The following GATAD2A variants were observed in gnomAD, a reference collection of about 807,000 sequenced individuals.
GATAD2A encodes the protein GATA zinc finger domain containing 2A.
GATAD2A carries 12 observed loss-of-function variants against 68.5 expected under a neutral mutation model. The observed-to-expected ratio is 0.18, with a 90% CI of 0.11 to 0.28. The LOEUF (loss-of-function observed/expected upper bound fraction) is 0.28, where lower values mean the gene tolerates loss of function less well. Ranked by LOEUF, GATAD2A falls within the 10% of genes least tolerant of loss-of-function variation. GATAD2A has a pLI of 1.00. For missense variants in GATAD2A, 755 were observed against 868.5 expected, an observed-to-expected ratio of 0.87 and a Z score of 1.64; for synonymous variants, 410 against 375.3, an observed-to-expected ratio of 1.09 and a Z score of -1.07.
intron 3 of GATAD2A, 67 bp from the exon 4 acceptor site, chr19:19,492,514 T>C: frequency 6.2e-7 from 1 of 1,611,364 alleles, no homozygotes; most frequent in Non-Finnish European, 8.5e-7. Context: ...GTGGAGCTAG[T>C]GATGGCAGGG....
intron 1 of GATAD2A, among the ~76,000 whole-genome samples, chr19:19,446,012 C>T (rs1370975784): frequency 2.0e-5 from 3 of 152,178 alleles, no homozygotes; most frequent in Admixed American, 1.3e-4. Context: ...GGGAACTCTG[C>T]GTTTAACTTT....
intron 1 of GATAD2A, among the ~76,000 whole-genome samples, chr19:19,463,061 T>C (rs745913431): frequency 2.6e-5 from 4 of 152,158 alleles, no homozygotes; most frequent in Non-Finnish European, 5.9e-5. Flanking sequence ...ACAGTAGTTA[T>C]AAGGCCAGAC....
intron 1 of GATAD2A, chr19:19,440,192 T>A (rs1467131232): frequency 7.4e-6 from 3 of 404,282 alleles, no homozygotes; most frequent in South Asian, 5.2e-5. Context: ...GAAGAAGAGA[T>A]GGAGTGTGCT....
At chr19:19,466,528 C>T (rs981013608) in intron 2 of GATAD2A, among the ~76,000 whole-genome samples, 5 of 152,228 alleles carry the variant, frequency 3.3e-5, no homozygotes, top group East Asian at 1.9e-4. Flanking sequence ...CTCACCTTCC[C>T]GTGTCAGCTA....
At chr19:19,411,827 A>G (rs1420381924) in intron 1 of GATAD2A, among the ~76,000 whole-genome samples, 1 of 152,204 alleles carries the variant, frequency 6.6e-6, no homozygotes, top group Non-Finnish European at 1.5e-5. Flanking sequence ...TGTCAACTAC[A>G]CAGTGATTCT....
At chr19:19,434,976 C>T in intron 1 of GATAD2A, 1 of 384,802 alleles carries the variant, frequency 2.6e-6, no homozygotes. Flanking sequence ...GGAATGGTGG[C>T]TGGTTTCCCT....
intron 1 of GATAD2A, among the ~76,000 whole-genome samples, chr19:19,441,519 T>C (rs1049348714): frequency 6.6e-6 from 1 of 151,846 alleles, no homozygotes; most frequent in East Asian, 1.9e-4. Flanking sequence ...GGACAACAGA[T>C]GCACCACCAT....
At chr19:19,443,434 T>G (rs1335035493) in intron 1 of GATAD2A, among the ~76,000 whole-genome samples, 4 of 152,222 alleles carry the variant, frequency 2.6e-5, no homozygotes, top group Non-Finnish European at 5.9e-5. Flanking sequence ...ACCTGTGGAT[T>G]CCAGCCAGAT....
intron 1 of GATAD2A, among the ~76,000 whole-genome samples, chr19:19,450,769 T>C (rs998662175): frequency 6.6e-6 from 1 of 151,530 alleles, no homozygotes; most frequent in African/African-American, 2.4e-5. Flanking sequence ...AAAACTCTTT[T>C]TTTTTGTTTG....
intron 1 of GATAD2A, among the ~76,000 whole-genome samples, chr19:19,444,317 G>A (rs1011919557): frequency 2.6e-5 from 4 of 152,158 alleles, no homozygotes; most frequent in Non-Finnish European, 5.9e-5. Flanking sequence ...GAACAGTAGT[G>A]CTTAGAGTTG....
In GATAD2A at chr19:19,492,354, C is replaced by T. The variant is rs778977704; in HGVS notation, c.318C>T (p.Leu106=). 1.2e-6 allele frequency: 2 copies of T among 1,611,298 alleles called. No homozygotes were observed. Among genetic ancestry groups the T allele is most frequent in the Admixed American group, 3.4e-5 (2 of 59,642 alleles). ...RRPPSPDVIV[L]SDNEQPSSPR... ...CCCCCTCACCTGACGTGATTGTGCT[C>T]TCCGACAACGAGCAGCCCTCGAGCC... Residue 106 remains leucine, a synonymous_variant, in exon 3 of 12, where the codon CTC becomes CTT. Transcript: ENST00000683918.
intron 1 of GATAD2A, among the ~76,000 whole-genome samples, chr19:19,386,805 T>C (rs1040365219): frequency 2.0e-5 from 3 of 151,462 alleles, no homozygotes; most frequent in Admixed American, 1.3e-4. Flanking sequence ...GAATCCTGCC[T>C]TTGACAGGAA....
intron 1 of GATAD2A, among the ~76,000 whole-genome samples, chr19:19,443,993 C>A (rs758042090): frequency 6.6e-6 from 1 of 152,250 alleles, no homozygotes. Context: ...AGCTACTCTT[C>A]GTGGAGCCCT....
At chr19:19,449,464 A>G (rs140795634) in intron 1 of GATAD2A, among the ~76,000 whole-genome samples, 5 of 152,290 alleles carry the variant, frequency 3.3e-5, no homozygotes, top group Admixed American at 1.3e-4. Flanking sequence ...AGCTGGAACT[A>G]CATGCACACA....
chr19:19,444,088 GGCTTTGACTGGACAGCTAAGGGC>G (rs2055412038), intron 1 of GATAD2A, among the ~76,000 whole-genome samples: 1 of 152,108 alleles, frequency 6.6e-6, no homozygotes, highest in Non-Finnish European at 1.5e-5. Context: ...CAGGCTTTCT[GGCTTTGACTGGACAGCTAAGGGC>G]ATGAGCTTCT....
intron 2 of GATAD2A, among the ~76,000 whole-genome samples, chr19:19,486,317 C>T (rs2059425943): frequency 6.6e-6 from 1 of 152,206 alleles, no homozygotes; most frequent in African/African-American, 2.4e-5. Flanking sequence ...CCTTATCTTC[C>T]CAGTGTTGGG....
At chr19:19,503,733 A>C (rs1315436887) in intron 11 of GATAD2A, among the ~76,000 whole-genome samples, 1 of 152,044 alleles carries the variant, frequency 6.6e-6, no homozygotes, top group Non-Finnish European at 1.5e-5. Flanking sequence ...GTAGGATTAG[A>C]GGGAAAATAA....
rs373746397 is a variant in GATAD2A, at chr19:19,501,182, G to A, written c.1269G>A (p.Thr423=). Residue 423 remains threonine, a synonymous_variant, in exon 9 of 12, where the codon ACG becomes ACA. Coordinates refer to ENST00000683918, the MANE Select transcript of GATAD2A (RefSeq NM_001384528.1). The part of the protein sequence containing the change: ...REPYMCAQCK[T]DFTCRWREEK... The stretch of plus-strand genomic sequence containing the variant: ...CCTACATGTGTGCACAGTGCAAGAC[G>A]GACTTCACGTGCCGCTGGCGGGAGG... 8 of 1,613,390 alleles carry A rather than the reference G, an allele frequency of 5.0e-6. No individual in the cohort carries two copies. Among genetic ancestry groups the A allele is most frequent in the South Asian group, 2.2e-5 (2 of 91,086 alleles).
chr19:19,403,796 T>C (rs1291287145), upstream of GATAD2A, among the ~76,000 whole-genome samples: 2 of 152,218 alleles, frequency 1.3e-5, no homozygotes, highest in Non-Finnish European at 2.9e-5. Context: ...CATGAAGCAG[T>C]TCTTAAAATA....
Sources: allele counts gnomAD v4.1 joint callset (sites outside exome capture counted in the v4.1 genomes callset), GRCh38; gene constraint gnomAD v4.1.1; transcripts MANE v1.5; gene names NCBI Gene and HGNC (gene_info 2026-07-23, HGNC 2026-07-21).